The following NCALD variants were observed in gnomAD, a reference collection of about 807,000 sequenced individuals.
NCALD encodes the protein neurocalcin-delta.
A neutral mutation model predicts 18.6 loss-of-function variants in NCALD; 10 were observed. The ratio of observed to expected loss-of-function variants is 0.54; its 90% CI spans 0.33 to 0.91. The LOEUF (loss-of-function observed/expected upper bound fraction) is 0.91. NCALD is among the 40% of genes least tolerant of loss of function. The probability of loss-of-function intolerance (pLI) is 0.03; values close to 1 mark genes in which losing one functional copy is unlikely to be tolerated. For missense variants in NCALD, 184 were observed against 247.6 expected (o/e 0.74, Z 1.72); for synonymous variants, 88 against 87.4 (o/e 1.01, Z -0.04).
chr8:101,751,834 G>A (rs1810673189), intron 1 of NCALD, among the ~76,000 whole-genome samples: 1 of 152,158 alleles, frequency 6.6e-6, no homozygotes, highest in African/African-American at 2.4e-5. Context: ...AGCTTTCAAA[G>A]GCTGCCAGGC....
At chr8:101,781,013 T>C (rs1487036783) in intron 1 of NCALD, among the ~76,000 whole-genome samples, 1 of 152,166 alleles carries the variant, frequency 6.6e-6, no homozygotes, top group East Asian at 1.9e-4. Flanking sequence ...GTTCTATTTC[T>C]AAATAGTAAC....
intron 2 of NCALD, among the ~76,000 whole-genome samples, chr8:101,984,860 T>C (rs752229799): frequency 1.3e-5 from 2 of 152,154 alleles, no homozygotes; most frequent in Admixed American, 6.5e-5. Context: ...GTACCCACCA[T>C]CACCTCAGTT....
At chr8:101,940,372 A>G (rs549634783) in intron 2 of NCALD, among the ~76,000 whole-genome samples, 3 of 152,358 alleles carry the variant, frequency 2.0e-5, no homozygotes, top group South Asian at 4.1e-4. Flanking sequence ...GTGGACATAT[A>G]TAACAATCAG....
At chr8:102,045,284 G>C (rs895858994) in intron 1 of NCALD, among the ~76,000 whole-genome samples, 1 of 152,160 alleles carries the variant, frequency 6.6e-6, no homozygotes, top group African/African-American at 2.4e-5. Context: ...GAGGCAGTCA[G>C]TTCAAATCAC....
intron 1 of NCALD, among the ~76,000 whole-genome samples, chr8:101,751,846 C>G (rs1277524320): frequency 6.6e-6 from 1 of 152,168 alleles, no homozygotes; most frequent in Non-Finnish European, 1.5e-5. Flanking sequence ...CTGCCAGGCC[C>G]TTTGACCAGA....
chr8:102,090,051 C>T (rs991147378), intron 1 of NCALD, among the ~76,000 whole-genome samples: 6 of 152,098 alleles, frequency 3.9e-5, no homozygotes, highest in African/African-American at 1.2e-4. Context: ...TTGGGGTTGA[C>T]ATTAACAGTA....
intron 2 of NCALD, among the ~76,000 whole-genome samples, chr8:101,702,597 G>A (rs1377911553): frequency 6.6e-6 from 1 of 152,110 alleles, no homozygotes; most frequent in Admixed American, 6.6e-5. Flanking sequence ...TGCACACTAG[G>A]GGAGCTTACT....
chr8:101,895,096 T>C (rs910348684), intron 3 of NCALD, among the ~76,000 whole-genome samples: 1 of 150,736 alleles, frequency 6.6e-6, no homozygotes, highest in African/African-American at 2.5e-5. Flanking sequence ...TTGATGAACA[T>C]TGATGCAAAA....
In NCALD at chr8:101,764,149, A is replaced by G. The variant is rs552885513; in HGVS notation, c.-20+26713T>C. On this transcript the variant is annotated intron_variant, in intron 1 of 3. Transcript: ENST00000220931. ...GGACTGAGTTGAAAACTGGTACTATATATTTGGGAATCACTGGCACAAAAA... is the reference window on the plus strand; with the variant it reads ...GGACTGAGTTGAAAACTGGTACTATGTATTTGGGAATCACTGGCACAAAAA... Among the ~76,000 whole-genome samples the G allele has an allele frequency of 1.7e-4, 26 of 152,280 alleles. No individual in the cohort carries two copies. The South Asian group carries it at 5.0e-3, about 29-fold the overall frequency.
intron 1 of NCALD, among the ~76,000 whole-genome samples, chr8:101,761,622 C>G (rs1586429818): frequency 6.6e-6 from 1 of 152,158 alleles, no homozygotes; most frequent in Non-Finnish European, 1.5e-5. Context: ...CCCTTTAAGA[C>G]CTTATTATTT....
At chr8:102,123,460 G>GAA (rs5893600) in intron 1 of NCALD, among the ~76,000 whole-genome samples, 18,003 of 139,988 alleles carry the variant, frequency 0.13, 1,414 homozygotes, top group Admixed American at 0.16. Flanking sequence ...TGCAGCATTA[G>GAA]AAAAAAAAAA....
intron 1 of NCALD, among the ~76,000 whole-genome samples, chr8:101,737,451 C>T (rs1023790652): frequency 3.9e-5 from 6 of 152,170 alleles, no homozygotes; most frequent in Non-Finnish European, 5.9e-5. Flanking sequence ...AAATCTTCCA[C>T]GGTTCCCTAC....
At chr8:102,112,680 T>A (rs1825676565) in intron 1 of NCALD, among the ~76,000 whole-genome samples, 1 of 152,172 alleles carries the variant, frequency 6.6e-6, no homozygotes. Context: ...TGAAATCTGA[T>A]CCCCATTGTT....
intron 1 of NCALD, among the ~76,000 whole-genome samples, chr8:102,052,238 T>C (rs752100846): frequency 6.6e-6 from 1 of 152,240 alleles, no homozygotes; most frequent in Non-Finnish European, 1.5e-5. Flanking sequence ...ATCTCAGTAA[T>C]TGCAGCAGAT....
chr8:101,729,351 C>T (rs1816710892), intron 1 of NCALD, among the ~76,000 whole-genome samples: 1 of 152,102 alleles, frequency 6.6e-6, no homozygotes. Flanking sequence ...TTATCTTGAC[C>T]AAAGAATATT....
chr8:101,706,031 T>C (rs771263124), intron 2 of NCALD, among the ~76,000 whole-genome samples: 11 of 152,340 alleles, frequency 7.2e-5, no homozygotes, highest in African/African-American at 2.2e-4. Context: ...AGAATGTCTG[T>C]TTAGGAGAGT....
intron 1 of NCALD, among the ~76,000 whole-genome samples, chr8:102,107,241 C>T (rs867941060): frequency 0.062 from 4,016 of 65,282 alleles, 51 homozygotes; most frequent in Non-Finnish European, 0.073. Context: ...TATATATATA[C>T]ACATAGAAAT....
At chr8:101,707,385 C>T (rs1009520034) in intron 2 of NCALD, among the ~76,000 whole-genome samples, 3 of 152,176 alleles carry the variant, frequency 2.0e-5, no homozygotes, top group Non-Finnish European at 4.4e-5. Context: ...GTGTGTTCAT[C>T]TGGTGCCCGA....
chr8:101,794,415 C>CA (rs1171681047), upstream of NCALD, among the ~76,000 whole-genome samples: 2 of 151,276 alleles, frequency 1.3e-5, no homozygotes, highest in African/African-American at 4.9e-5. Flanking sequence ...CCCCCAACCT[C>CA]AAAAAAAGGA....
Sources: gnomAD v4.1 joint callset for allele counts (sites outside exome capture counted in the v4.1 genomes callset) on GRCh38, gnomAD v4.1.1 for gene constraint, MANE v1.5 for transcripts, NCBI Gene and HGNC (gene_info 2026-07-23, HGNC 2026-07-21) for gene names.